ASIC2: variants seen among roughly 807,000 people sequenced by gnomAD.
ASIC2 encodes acid-sensing ion channel 2.
In ASIC2, 25 loss-of-function variants were observed where a neutral mutation model predicts 57.3. That is an observed-to-expected ratio of 0.44 (90% CI 0.32 to 0.61). ASIC2 has a LOEUF of 0.61. ASIC2 is among the 20% of genes least tolerant of loss of function. The probability of loss-of-function intolerance (pLI) is 0.06; values close to 1 mark genes in which losing one functional copy is unlikely to be tolerated. For synonymous variants in ASIC2, 319 were observed against 307.5 expected, an observed-to-expected ratio of 1.04 and a Z score of -0.39; for missense variants, 641 against 738.1, an observed-to-expected ratio of 0.87 and a Z score of 1.52.
intron 1 of ASIC2, among the ~76,000 whole-genome samples, chr17:34,126,579 G>A (rs1567831211): frequency 6.6e-6 from 1 of 152,242 alleles, no homozygotes; most frequent in East Asian, 1.9e-4. Context: ...GCCTCCCTAG[G>A]GAGTTGGCTG....
chr17:33,865,516 C>T (rs572748745), intron 1 of ASIC2, among the ~76,000 whole-genome samples: 1 of 152,202 alleles, frequency 6.6e-6, no homozygotes, highest in Non-Finnish European at 1.5e-5. Flanking sequence ...GCTAATCTCC[C>T]TTGTTCTAAC....
intron 1 of ASIC2, among the ~76,000 whole-genome samples, chr17:33,206,008 C>A (rs1907046031): frequency 6.6e-6 from 1 of 152,154 alleles, no homozygotes; most frequent in Non-Finnish European, 1.5e-5. Flanking sequence ...AAATAAAATG[C>A]TCTCAGGGTC....
At chr17:33,016,108 C>A in intron 8 of ASIC2, 69 bp from the exon 9 acceptor site, 1 of 1,502,230 alleles carries the variant, frequency 6.7e-7, no homozygotes, top group South Asian at 1.1e-5. Flanking sequence ...GACCTCCCTC[C>A]ATTGGGCCCC....
intron 1 of ASIC2, among the ~76,000 whole-genome samples, chr17:33,175,634 A>T (rs566756619): frequency 9.9e-5 from 15 of 152,162 alleles, no homozygotes; most frequent in East Asian, 3.9e-4. Context: ...ACTATTAAAG[A>T]GGCAACATTT....
At chr17:33,890,827 A>AG (rs1462254031) in intron 1 of ASIC2, among the ~76,000 whole-genome samples, 1 of 152,144 alleles carries the variant, frequency 6.6e-6, no homozygotes, top group Non-Finnish European at 1.5e-5. Context: ...CCTGAGTGTT[A>AG]GGGGCCATTA....
intron 1 of ASIC2, among the ~76,000 whole-genome samples, chr17:33,588,461 C>A (rs543990981): frequency 6.6e-6 from 1 of 152,296 alleles, no homozygotes; most frequent in Non-Finnish European, 1.5e-5. Flanking sequence ...TGTACAGTTT[C>A]ATGTCCACAT....
intron 1 of ASIC2, among the ~76,000 whole-genome samples, chr17:33,274,540 T>C (rs987027723): frequency 2.6e-5 from 4 of 152,160 alleles, no homozygotes; most frequent in African/African-American, 9.7e-5. Flanking sequence ...GACCTCAAGG[T>C]CACTGACTTG....
chr17:33,037,129 G>GAA (rs1489347391), intron 3 of ASIC2, among the ~76,000 whole-genome samples: 20 of 35,736 alleles, frequency 5.6e-4, no homozygotes, highest in Admixed American at 1.9e-3. Context: ...AGGTGTGGTA[G>GAA]CAAAAAAAAA....
chr17:34,126,850 C>T (rs1263589359), intron 1 of ASIC2, among the ~76,000 whole-genome samples: 1 of 152,172 alleles, frequency 6.6e-6, no homozygotes, highest in African/African-American at 2.4e-5. Context: ...CATTTCTACC[C>T]AGCTTCCAGG....
intron 1 of ASIC2, among the ~76,000 whole-genome samples, chr17:34,082,593 C>T (rs1270463142): frequency 6.6e-6 from 1 of 152,112 alleles, no homozygotes; most frequent in Non-Finnish European, 1.5e-5. Flanking sequence ...CGGGGGAGTC[C>T]CCAGTCCACT....
chr17:33,412,059 C>CAAAA (rs72204169), intron 1 of ASIC2, among the ~76,000 whole-genome samples: 50 of 151,658 alleles, frequency 3.3e-4, no homozygotes, highest in Non-Finnish European at 4.9e-4. Context: ...ACCAAAAACA[C>CAAAA]ACAAAAAACA....
intron 3 of ASIC2, among the ~76,000 whole-genome samples, chr17:33,045,044 G>A (rs1162169331): frequency 1.3e-5 from 2 of 152,188 alleles, no homozygotes; most frequent in Non-Finnish European, 2.9e-5. Context: ...AAGCAATACA[G>A]CAAGGCTGGC....
chr17:33,209,398 C>T (rs986805264), intron 1 of ASIC2, among the ~76,000 whole-genome samples: 3 of 152,210 alleles, frequency 2.0e-5, no homozygotes, highest in Admixed American at 2.0e-4. Context: ...AAGGAATGTC[C>T]CACCTTAAAG....
At chr17:33,553,861 A>G (rs6505352) in intron 1 of ASIC2, among the ~76,000 whole-genome samples, 69,723 of 152,014 alleles carry the variant, frequency 0.46, 16,147 homozygotes, top group South Asian at 0.53. Flanking sequence ...TGAGGCTTAA[A>G]TGACTGTATG....
intron 1 of ASIC2, among the ~76,000 whole-genome samples, chr17:33,867,863 A>G (rs776756350): frequency 5.3e-5 from 8 of 152,220 alleles, no homozygotes; most frequent in Non-Finnish European, 7.3e-5. Context: ...CAGTCACACC[A>G]GAGATACAGC....
At chr17:33,974,769 C>G (rs932819095) in intron 1 of ASIC2, among the ~76,000 whole-genome samples, 3 of 151,778 alleles carry the variant, frequency 2.0e-5, no homozygotes, top group Non-Finnish European at 4.4e-5. Flanking sequence ...TGTGGATTGC[C>G]CAGTATCCAT....
intron 1 of ASIC2, among the ~76,000 whole-genome samples, chr17:34,102,851 G>A (rs1004500149): frequency 7.2e-5 from 11 of 152,166 alleles, no homozygotes; most frequent in Non-Finnish European, 1.3e-4. Flanking sequence ...TCCTCTTAAC[G>A]GTTTAAGAAA....
At chr17:33,340,983 A>G (rs1322560929) in intron 1 of ASIC2, among the ~76,000 whole-genome samples, 1 of 152,164 alleles carries the variant, frequency 6.6e-6, no homozygotes, top group African/African-American at 2.4e-5. Context: ...GACTTGAGAT[A>G]GTCATGTGTG....
chr17:33,615,799 A>G (rs1905583358), intron 1 of ASIC2, among the ~76,000 whole-genome samples: 1 of 152,210 alleles, frequency 6.6e-6, no homozygotes, highest in Non-Finnish European at 1.5e-5. Context: ...ATCCTGGTAC[A>G]TTAATAACTC....
Sources: allele counts gnomAD v4.1 joint callset (sites outside exome capture counted in the v4.1 genomes callset), GRCh38; gene constraint gnomAD v4.1.1; transcripts MANE v1.5; gene names NCBI Gene and HGNC (gene_info 2026-07-23, HGNC 2026-07-21).